Variants in PARD3B observed in about 807,000 individuals in gnomAD.
The protein encoded by PARD3B is partitioning defective 3 homolog B.
In PARD3B, 103 loss-of-function variants were observed where a neutral mutation model predicts 130.2. The ratio of observed to expected loss-of-function variants is 0.79; its 90% CI spans 0.67 to 0.93. PARD3B has a LOEUF of 0.93. Among genes scored for constraint, PARD3B ranks in the 40% least tolerant of loss-of-function variants. The probability of loss-of-function intolerance (pLI) is 0.00; values close to 1 mark genes in which losing one functional copy is unlikely to be tolerated. For missense variants in PARD3B, 1,609 were observed against 1,499.2 expected (o/e 1.07, Z -1.21); for synonymous variants, 583 against 553.2 (o/e 1.05, Z -0.76).
At chr2:204,682,115 A>T (rs2036862541) in intron 1 of PARD3B, among the ~76,000 whole-genome samples, 1 of 152,130 alleles carries the variant, frequency 6.6e-6, no homozygotes, top group South Asian at 2.1e-4. Flanking sequence ...AAGGCCATCC[A>T]GTCTCCAGGC....
intron 15 of PARD3B, among the ~76,000 whole-genome samples, chr2:205,226,716 A>G (rs915782867): frequency 2.0e-5 from 3 of 152,188 alleles, no homozygotes; most frequent in South Asian, 2.1e-4. Flanking sequence ...CCATTAATCT[A>G]TGACTCTAGT....
At position 204,610,761 on chromosome 2, in the gene PARD3B, C is replaced by G. The variant is rs1408221949; in HGVS notation, c.120+64642C>G. On this transcript the variant is annotated intron_variant, in intron 1 of 22. Transcript: ENST00000406610. This position sits in a 1 kb window ranked among gnomAD's most constrained non-coding sequence, Gnocchi z 4.1. ...GAAACATCATCTCCCCACCTCTGAGCACCCTAAGAACAAATACATGGCCAG... is the reference window on the plus strand; with the variant it reads ...GAAACATCATCTCCCCACCTCTGAGGACCCTAAGAACAAATACATGGCCAG... 2.0e-5 allele frequency among the ~76,000 whole-genome samples: 3 copies of G among 152,182 alleles called. No homozygotes were observed. The highest frequency in any genetic ancestry group is 4.4e-5 in the Non-Finnish European group (3 of 68,024).
chr2:204,773,929 A>G (rs1432621655), intron 2 of PARD3B, among the ~76,000 whole-genome samples: 1 of 152,060 alleles, frequency 6.6e-6, no homozygotes, highest in Non-Finnish European at 1.5e-5. Flanking sequence ...AGTGCTTGTC[A>G]TGGGTGTCGA....
At chr2:204,927,282 A>C (rs1687692023) in intron 2 of PARD3B, among the ~76,000 whole-genome samples, 1 of 152,018 alleles carries the variant, frequency 6.6e-6, no homozygotes, top group African/African-American at 2.4e-5. Flanking sequence ...GAGGTGATTA[A>C]GTCATGAGGG....
intron 2 of PARD3B, among the ~76,000 whole-genome samples, chr2:204,938,515 C>T (rs1448309413): frequency 6.6e-6 from 1 of 152,206 alleles, no homozygotes; most frequent in Non-Finnish European, 1.5e-5. Context: ...TCTTCGGTCT[C>T]ATTGATCACT....
chr2:205,560,477 C>T (rs200844494), intron 22 of PARD3B, among the ~76,000 whole-genome samples: 1 of 152,100 alleles, frequency 6.6e-6, no homozygotes, highest in African/African-American at 2.4e-5. Context: ...AAAGAGAATC[C>T]TGTTAGAACA....
rs1196368851 is a variant in PARD3B at position 204,920,850 on chromosome 2, T to C, written c.223-44302T>C. 2.6e-5 allele frequency among the ~76,000 whole-genome samples: 4 copies of C among 152,220 alleles called. No individual in the cohort carries two copies. In the East Asian group the frequency reaches 7.7e-4, roughly 29 times the overall value. ...AAACATTGGATCCATGTCATCGTGT[T>C]TGACAGGTTTCTGATTCCCCTGTCA... On this transcript the variant is annotated intron_variant, in intron 2 of 22. Coordinates refer to ENST00000406610, the MANE Select transcript of PARD3B (RefSeq NM_001302769.2).
At chr2:204,579,487 T>C (rs1195618807) in intron 1 of PARD3B, among the ~76,000 whole-genome samples, 1 of 152,122 alleles carries the variant, frequency 6.6e-6, no homozygotes, top group Non-Finnish European at 1.5e-5. Context: ...TAAAAAGAAG[T>C]AAGTTGGGGC....
intron 15 of PARD3B, among the ~76,000 whole-genome samples, chr2:205,245,473 T>TAGCA (rs2039532389): frequency 6.6e-6 from 1 of 152,196 alleles, no homozygotes; most frequent in East Asian, 1.9e-4. Context: ...TCTATGAATT[T>TAGCA]GGTTTCTCCT....
chr2:204,931,309 A>G (rs1045558809), intron 2 of PARD3B, among the ~76,000 whole-genome samples: 3 of 152,090 alleles, frequency 2.0e-5, no homozygotes, highest in African/African-American at 7.2e-5. Flanking sequence ...TAATCATAGC[A>G]TGTACTATTA....
At chr2:205,262,253 A>G (rs923893799) in intron 16 of PARD3B, among the ~76,000 whole-genome samples, 1 of 152,140 alleles carries the variant, frequency 6.6e-6, no homozygotes, top group Non-Finnish European at 1.5e-5. Context: ...GGTTAAAGAA[A>G]CACCACTATT....
chr2:205,155,425 T>G (rs899102428), intron 10 of PARD3B, among the ~76,000 whole-genome samples: 2 of 152,306 alleles, frequency 1.3e-5, no homozygotes, highest in East Asian at 3.9e-4. Context: ...AGAAATACAC[T>G]TTTAAAAATA....
intron 2 of PARD3B, among the ~76,000 whole-genome samples, chr2:204,962,628 T>C (rs1490644486): frequency 6.6e-6 from 1 of 152,158 alleles, no homozygotes; most frequent in Non-Finnish European, 1.5e-5. Context: ...TACCGAGGAA[T>C]GTAGGTGTTC....
Position 205,473,676 on chromosome 2 carries a change from GTGTGTA to G in PARD3B, c.3045-26216_3045-26211del, listed in dbSNP as rs1295785879. Among the ~76,000 whole-genome samples the G allele has an allele frequency of 8.3e-5, 8 of 95,934 alleles. No homozygotes were observed. The highest frequency in any genetic ancestry group is 1.3e-4 in the Non-Finnish European group (7 of 52,124). The allele number at this position is 95,934 out of a possible 152,430, so 62.9% of individuals were successfully genotyped here. A position where few individuals can be genotyped will look rare whatever the true frequency, so the allele number is the denominator to read the frequency against. ...TATATGTGTGTGTGTGTGTGTGTGT[GTGTGTA>G]TGTATATATATATATATATATATAT... On this transcript the variant is annotated intron_variant, in intron 20 of 22. Transcript: ENST00000406610. The surrounding 1 kb of genome is among the most constrained non-coding windows in gnomAD (Gnocchi z 4.9).
chr2:204,727,746 C>A (rs1445058573), intron 2 of PARD3B, among the ~76,000 whole-genome samples: 1 of 152,156 alleles, frequency 6.6e-6, no homozygotes, highest in African/African-American at 2.4e-5. Flanking sequence ...GACCCAAGTG[C>A]AATTGAGCTT....
At chr2:205,061,426 C>G (rs1700056304) in intron 4 of PARD3B, among the ~76,000 whole-genome samples, 2 of 152,050 alleles carry the variant, frequency 1.3e-5, no homozygotes, top group Non-Finnish European at 2.9e-5. Context: ...TTCTTTTGGT[C>G]TCACTTTTCT....
intron 2 of PARD3B, among the ~76,000 whole-genome samples, chr2:204,850,613 C>T (rs2044668163): frequency 6.6e-6 from 1 of 151,922 alleles, no homozygotes; most frequent in Admixed American, 6.6e-5. Flanking sequence ...GATATGAACT[C>T]GTTGTATTCA....
intron 2 of PARD3B, among the ~76,000 whole-genome samples, chr2:204,962,699 A>T (rs1029854361): frequency 4.6e-5 from 7 of 152,206 alleles, no homozygotes; most frequent in Admixed American, 1.3e-4. Flanking sequence ...CCAGTTATCA[A>T]TGTTGAAACA....
In PARD3B at chr2:205,421,863, A is replaced by G. The variant is rs1457823042; in HGVS notation, c.2742-18507A>G. ...GCTCCTTCTGCCATTTTTAAAGTGCATCTCTCCAATCTCTGCTTCCGTTGT... is the reference window on the plus strand; with the variant it reads ...GCTCCTTCTGCCATTTTTAAAGTGCGTCTCTCCAATCTCTGCTTCCGTTGT... On this transcript the variant is annotated intron_variant, in intron 19 of 22. Coordinates refer to ENST00000406610, the MANE Select transcript of PARD3B (RefSeq NM_001302769.2). The surrounding 1 kb of genome is among the most constrained non-coding windows in gnomAD (Gnocchi z 5.1). Among the ~76,000 whole-genome samples the G allele has an allele frequency of 2.0e-5, 3 of 152,128 alleles. No homozygotes were observed. Among genetic ancestry groups the G allele is most frequent in the Non-Finnish European group, 2.9e-5 (2 of 68,038 alleles).
Sources: gnomAD v4.1 joint callset for allele counts (sites outside exome capture counted in the v4.1 genomes callset) on GRCh38, gnomAD v4.1.1 for gene constraint, Gnocchi (gnomAD v3.1) non-coding constraint, MANE v1.5 for transcripts, NCBI Gene and HGNC (gene_info 2026-07-23, HGNC 2026-07-21) for gene names.